Variants in GRIK2 observed in about 807,000 individuals in gnomAD.
GRIK2 encodes glutamate ionotropic receptor kainate type subunit 2.
Under a neutral mutation model 100.3 loss-of-function variants are expected in GRIK2, and 32 were observed. The ratio of observed to expected loss-of-function variants is 0.32; its 90% confidence interval spans 0.24 to 0.43. The LOEUF is 0.43. Among genes scored for constraint, GRIK2 ranks in the 20% least tolerant of loss-of-function variants. GRIK2 has a pLI of 1.00. For missense variants in GRIK2, 843 were observed against 1,114.9 expected, an observed-to-expected ratio of 0.76 and a Z score of 3.47; for synonymous variants, 417 against 389.4, an observed-to-expected ratio of 1.07 and a Z score of -0.83.
intron 12 of GRIK2, among the ~76,000 whole-genome samples, chr6:101,917,022 G>C (rs2791786): frequency 8.6e-5 from 13 of 151,544 alleles, no homozygotes; most frequent in Admixed American, 1.3e-4. Flanking sequence ...TTAACAGATA[G>C]GTGGTAAGGT....
chr6:101,736,695 T>G (rs185109626), intron 7 of GRIK2, among the ~76,000 whole-genome samples: 25 of 152,276 alleles, frequency 1.6e-4, no homozygotes, highest in Admixed American at 1.4e-3. Flanking sequence ...GGGCCTGTGA[T>G]GGGAGGGACT....
chr6:102,066,934 G>A (rs1772047157), intron 16 of GRIK2, among the ~76,000 whole-genome samples: 1 of 151,612 alleles, frequency 6.6e-6, no homozygotes, highest in South Asian at 2.1e-4. Flanking sequence ...AGATTGACAG[G>A]AAGGTAATAG....
At chr6:101,442,270 G>A (rs1770113021) in intron 2 of GRIK2, among the ~76,000 whole-genome samples, 1 of 152,042 alleles carries the variant, frequency 6.6e-6, no homozygotes, top group Admixed American at 6.6e-5. Context: ...TGGGAGAAAA[G>A]GAAAAAGGAA....
At position 101,419,037 on chromosome 6, in the gene GRIK2, GAAGA is replaced by G. The variant is rs1375276996; in HGVS notation, c.115+19650_115+19653del. The stretch of plus-strand genomic sequence containing the variant: ...ATCTTAACTCTGCCAAAATAGGAAA[GAAGA>G]AAGACTCTTACACATCCTTCACTAA... On this transcript the variant is annotated intron_variant, in intron 2 of 16. Transcript: ENST00000369134. Among the ~76,000 whole-genome samples, 4 of 152,308 alleles carry G rather than the reference GAAGA, an allele frequency of 2.6e-5. No homozygotes were observed. The East Asian group carries it at 7.7e-4, about 29-fold the overall frequency.
chr6:101,986,379 G>A (rs1402294074), intron 14 of GRIK2, among the ~76,000 whole-genome samples: 4 of 151,764 alleles, frequency 2.6e-5, no homozygotes, highest in African/African-American at 9.7e-5. Context: ...AAGTGATATA[G>A]CTACTAGTTA....
At chr6:101,700,312 C>T (rs956153483) in intron 7 of GRIK2, among the ~76,000 whole-genome samples, 42 of 151,450 alleles carry the variant, frequency 2.8e-4, no homozygotes, top group African/African-American at 9.5e-4. Context: ...AAAAATTTGA[C>T]AGTTTGATGT....
chr6:101,709,173 G>A (rs945952646), intron 7 of GRIK2, among the ~76,000 whole-genome samples: 5 of 151,810 alleles, frequency 3.3e-5, no homozygotes, highest in Admixed American at 2.0e-4. Context: ...TGGAGGCAGA[G>A]ATTCCATTTT....
intron 15 of GRIK2, among the ~76,000 whole-genome samples, chr6:102,042,348 A>G (rs1415740337): frequency 6.6e-6 from 1 of 151,680 alleles, no homozygotes; most frequent in African/African-American, 2.4e-5. Context: ...CTGTAAAATA[A>G]TGAACATAAA....
intron 2 of GRIK2, among the ~76,000 whole-genome samples, chr6:101,607,284 C>A (rs931836447): frequency 6.6e-6 from 1 of 151,898 alleles, no homozygotes; most frequent in African/African-American, 2.4e-5. Context: ...CAGGATTGGA[C>A]GAGGCACAAT....
rs1780448748 is a variant in GRIK2 at position 101,626,524 on chromosome 6, A to G, written c.428A>G (p.Asp143Gly). 6.2e-7 allele frequency: 1 copy of G among 1,613,852 alleles called. No homozygotes were observed. Among genetic ancestry groups the G allele is most frequent in the South Asian group, 1.1e-5 (1 of 91,084 alleles). The change falls in exon 4 of 17, where the codon GAT (aspartate) becomes GGT (glycine). Residue 143 changes from aspartate (D) to glycine (G), a missense_variant. Around this residue, in one of 3 missense-constraint regions of GRIK2, gnomAD observed 519 missense variants for 643.8 expected, o/e 0.81. Coordinates refer to ENST00000369134, the MANE Select transcript of GRIK2 (RefSeq NM_021956.5). ...AAGCACCAGGTGTCAGACAACAAAG[A>G]TTCCTTCTATGTCAGTCTCTACCCA... The part of the protein sequence containing the change: ...RWKHQVSDNK[D>G]SFYVSLYPDF...
intron 2 of GRIK2, among the ~76,000 whole-genome samples, chr6:101,456,398 C>T (rs117017543): frequency 5.3e-5 from 8 of 151,994 alleles, no homozygotes; most frequent in Non-Finnish European, 7.4e-5. Context: ...ATCTAGGAAG[C>T]TACTTGGAGG....
chr6:102,032,085 A>G (rs1770030408), intron 14 of GRIK2, among the ~76,000 whole-genome samples: 1 of 151,276 alleles, frequency 6.6e-6, no homozygotes, highest in Non-Finnish European at 1.5e-5. Flanking sequence ...GCTAATTGGG[A>G]TTATCCAAGG....
intron 4 of GRIK2, among the ~76,000 whole-genome samples, chr6:101,652,124 T>G (rs1457513867): frequency 1.3e-5 from 2 of 152,106 alleles, no homozygotes; most frequent in East Asian, 3.9e-4. Flanking sequence ...GGTTAAAACT[T>G]GATTAGAGTG....
At chr6:101,694,131 G>T (rs995762559) in intron 7 of GRIK2, among the ~76,000 whole-genome samples, 18 of 152,086 alleles carry the variant, frequency 1.2e-4, no homozygotes, top group African/African-American at 4.3e-4. Flanking sequence ...TCTGCATCTG[G>T]ACTGTGGCAT....
chr6:101,986,952 C>T (rs1258648841), intron 14 of GRIK2, among the ~76,000 whole-genome samples: 1 of 151,698 alleles, frequency 6.6e-6, no homozygotes, highest in Non-Finnish European at 1.5e-5. Flanking sequence ...TCAGCCTTGA[C>T]AAAACAGTGA....
At chr6:101,412,851 T>C (rs1775946640) in intron 2 of GRIK2, among the ~76,000 whole-genome samples, 1 of 151,950 alleles carries the variant, frequency 6.6e-6, no homozygotes, top group Non-Finnish European at 1.5e-5. Flanking sequence ...CGGGATAAAT[T>C]GATATACGTA....
chr6:101,812,436 G>A (rs73512756), intron 9 of GRIK2, among the ~76,000 whole-genome samples: 9,765 of 151,776 alleles, frequency 0.064, 334 homozygotes, highest in African/African-American at 0.088. Context: ...TGGATTCAAA[G>A]CAATACATAA....
intron 2 of GRIK2, among the ~76,000 whole-genome samples, chr6:101,484,952 G>A (rs917389584): frequency 5.3e-5 from 8 of 152,108 alleles, no homozygotes; most frequent in Non-Finnish European, 7.4e-5. Flanking sequence ...AGACTGCTCC[G>A]GTCTTGAAGG....
intron 2 of GRIK2, among the ~76,000 whole-genome samples, chr6:101,487,426 C>T (rs1280761219): frequency 2.7e-5 from 4 of 146,156 alleles, no homozygotes; most frequent in Non-Finnish European, 6.0e-5. Context: ...CCATCTCCAC[C>T]ACAGTGTTAT....
Sources: allele counts gnomAD v4.1 joint callset (sites outside exome capture counted in the v4.1 genomes callset), GRCh38; gene constraint gnomAD v4.1.1; regional missense constraint gnomAD v4.1.1; transcripts MANE v1.5; gene names NCBI Gene and HGNC (gene_info 2026-07-23, HGNC 2026-07-21).